MSRA: variants seen among roughly 807,000 people sequenced by gnomAD.
MSRA encodes methionine sulfoxide reductase A.
A neutral mutation model predicts 31.3 loss-of-function variants in MSRA; 54 were observed. The ratio of observed to expected loss-of-function variants is 1.73; its 90% CI spans 1.39 to 2.17. The LOEUF (loss-of-function observed/expected upper bound fraction) is 2.17, where lower values mean the gene tolerates loss of function less well. Among genes scored for constraint, MSRA ranks in the 30% most tolerant of loss-of-function variants. MSRA has a pLI of 0.00. For synonymous variants in MSRA, 169 were observed against 116.5 expected (o/e 1.45, Z -2.90); for missense variants, 507 against 300.9 (o/e 1.69, Z -5.07).
chr8:10,319,483 A>C (rs1563345607), intron 4 of MSRA, among the ~76,000 whole-genome samples: 1 of 152,156 alleles, frequency 6.6e-6, no homozygotes, highest in African/African-American at 2.4e-5. Flanking sequence ...TCATCCACCA[A>C]GGGAGGGATG....
rs116292265 is a variant in MSRA, at chr8:10,110,550, T to C, written c.142+55892T>C. On this transcript the variant is annotated intron_variant, in intron 1 of 5. Transcript: ENST00000317173. ...GTCTGGCAAGTGCCTTTGAAGATTT[T>C]CTTTCATTGTTTTCTGTACTTTTTC... Among the ~76,000 whole-genome samples the C allele has an allele frequency of 3.4e-3, 511 of 152,370 alleles. 3 individuals carry two copies. Among genetic ancestry groups the C allele is most frequent in the African/African-American group, 0.011 (468 of 41,586 alleles).
At chr8:10,085,000 T>G (rs1004279324) in intron 1 of MSRA, among the ~76,000 whole-genome samples, 1 of 152,196 alleles carries the variant, frequency 6.6e-6, no homozygotes, top group Non-Finnish European at 1.5e-5. Flanking sequence ...TAAAAAGAAG[T>G]GAGTTTAAAA....
chr8:10,379,011 C>G (rs148821339), intron 5 of MSRA, among the ~76,000 whole-genome samples: 1 of 152,324 alleles, frequency 6.6e-6, no homozygotes, highest in Admixed American at 6.5e-5. Context: ...TATTTTTTTA[C>G]GCAGACATGC....
intron 1 of MSRA, among the ~76,000 whole-genome samples, chr8:10,094,832 A>G (rs1057140778): frequency 6.6e-6 from 1 of 152,260 alleles, no homozygotes; most frequent in East Asian, 1.9e-4. Flanking sequence ...ACAAGTGACT[A>G]TGCTGGAACT....
intron 2 of MSRA, among the ~76,000 whole-genome samples, chr8:10,241,026 A>G (rs1812369778): frequency 6.6e-6 from 1 of 151,882 alleles, no homozygotes; most frequent in South Asian, 2.1e-4. Context: ...CCGATGTACA[A>G]CTTCCTCTTT....
chr8:10,264,142 C>T (rs1000465458), intron 3 of MSRA, among the ~76,000 whole-genome samples: 35 of 152,170 alleles, frequency 2.3e-4, no homozygotes, highest in South Asian at 2.1e-4. Context: ...GACTAGAGAC[C>T]TGTTCTTGTA....
intron 2 of MSRA, among the ~76,000 whole-genome samples, chr8:10,240,694 C>G (rs375960996): frequency 1.2e-4 from 18 of 152,318 alleles, no homozygotes; most frequent in African/African-American, 4.3e-4. Flanking sequence ...GGCTATTCTT[C>G]CCTCTCTGAA....
intron 1 of MSRA, among the ~76,000 whole-genome samples, chr8:10,183,172 C>G (rs1006949262): frequency 1.3e-5 from 2 of 152,174 alleles, no homozygotes; most frequent in Admixed American, 6.5e-5. Flanking sequence ...TATTTGCCTT[C>G]CTAGACTTGG....
intron 5 of MSRA, among the ~76,000 whole-genome samples, chr8:10,377,136 C>A (rs1238903343): frequency 6.6e-6 from 1 of 152,252 alleles, no homozygotes; most frequent in African/African-American, 2.4e-5. Context: ...CTCTGTCCCA[C>A]TGAACGTAAT....
chr8:10,167,281 C>A (rs562293493), intron 1 of MSRA, among the ~76,000 whole-genome samples: 1 of 152,122 alleles, frequency 6.6e-6, no homozygotes, highest in Non-Finnish European at 1.5e-5. Context: ...CAAAGGCAGC[C>A]GATACTGCTC....
intron 5 of MSRA, among the ~76,000 whole-genome samples, chr8:10,369,307 T>C (rs575399271): frequency 6.6e-6 from 1 of 152,090 alleles, no homozygotes; most frequent in Admixed American, 6.5e-5. Flanking sequence ...AAATAATCTA[T>C]TCATCCATTC....
chr8:10,368,976 T>C (rs776804987), intron 5 of MSRA, among the ~76,000 whole-genome samples: 3 of 152,182 alleles, frequency 2.0e-5, no homozygotes, highest in Non-Finnish European at 2.9e-5. Context: ...ACAGCTGTGA[T>C]AACCAGGGAC....
At chr8:10,388,806 A>T (rs1381803575) in intron 5 of MSRA, among the ~76,000 whole-genome samples, 1 of 151,692 alleles carries the variant, frequency 6.6e-6, no homozygotes, top group Non-Finnish European at 1.5e-5. Context: ...TGGGATGTTG[A>T]CCGGCATCGC....
intron 5 of MSRA, among the ~76,000 whole-genome samples, chr8:10,379,471 G>A (rs934072203): frequency 2.0e-5 from 3 of 152,206 alleles, no homozygotes; most frequent in Non-Finnish European, 4.4e-5. Flanking sequence ...CTGGGCTGGA[G>A]CCTGTGGCCT....
At chr8:10,105,711 A>G (rs922804735) in intron 1 of MSRA, among the ~76,000 whole-genome samples, 1 of 152,182 alleles carries the variant, frequency 6.6e-6, no homozygotes, top group Admixed American at 6.5e-5. Flanking sequence ...TTGCTAACAA[A>G]ATAACTTAAT....
intron 5 of MSRA, chr8:10,336,874 C>T (rs1803079752): frequency 6.6e-6 from 1 of 152,258 alleles, no homozygotes; most frequent in South Asian, 2.1e-4. Flanking sequence ...CAGTCTGGGG[C>T]AAAATGGGAA....
At chr8:10,072,294 C>T (rs920710704) in intron 1 of MSRA, among the ~76,000 whole-genome samples, 1 of 105,680 alleles carries the variant, frequency 9.5e-6, no homozygotes, top group Non-Finnish European at 1.9e-5. Flanking sequence ...CACAAGACTC[C>T]CTTTCGCAAC....
intron 5 of MSRA, among the ~76,000 whole-genome samples, chr8:10,366,210 T>A (rs189866824): frequency 5.9e-5 from 9 of 152,348 alleles, no homozygotes; most frequent in African/African-American, 2.2e-4. Flanking sequence ...GCTTCATGTT[T>A]CGTTTAGGGA....
intron 2 of MSRA, among the ~76,000 whole-genome samples, chr8:10,237,269 T>A (rs531931144): frequency 6.6e-5 from 10 of 152,358 alleles, no homozygotes; most frequent in Non-Finnish European, 1.2e-4. Flanking sequence ...CCACTGAATG[T>A]CTGCCAGTTA....
Sources: gnomAD v4.1 joint callset for allele counts (sites outside exome capture counted in the v4.1 genomes callset) on GRCh38, gnomAD v4.1.1 for gene constraint, MANE v1.5 for transcripts, NCBI Gene and HGNC (gene_info 2026-07-23, HGNC 2026-07-21) for gene names.